The following SMPD3 variants were observed in gnomAD, a reference collection of about 807,000 sequenced individuals.
The protein encoded by SMPD3 is nSMase-2.
SMPD3 carries 21 observed loss-of-function variants against 55.7 expected under a neutral mutation model. That is an observed-to-expected ratio of 0.38 (90% CI 0.27 to 0.54). SMPD3 has a LOEUF of 0.54. Ranked by LOEUF, SMPD3 falls within the 20% of genes least tolerant of loss-of-function variation. SMPD3 has a pLI of 0.80. For synonymous variants in SMPD3, 457 were observed against 404.3 expected, an observed-to-expected ratio of 1.13 and a Z score of -1.56; for missense variants, 842 against 899.6, an observed-to-expected ratio of 0.94 and a Z score of 0.82.
chr16:68,361,743 C>T lies in SMPD3; in HGVS notation c.1726G>A (p.Glu576Lys). Residue 576 changes from glutamate (E) to lysine (K), a missense_variant, in exon 8 of 9, where the codon GAG becomes AAG. Glu to Lys is a moderately conservative substitution (Grantham distance 56, BLOSUM62 1). Coordinates refer to ENST00000219334, the MANE Select transcript of SMPD3 (RefSeq NM_018667.4). ...DNLQKVLESE[E>K]GRREYLAFPT... ...AACGCCAGGTACTCCCTGCGGCCCTCCTCACTCTCCAGGACCCTGTCCACA... is the reference window on the plus strand; with the variant it reads ...AACGCCAGGTACTCCCTGCGGCCCTTCTCACTCTCCAGGACCCTGTCCACA... 1 of 1,612,672 alleles carries T rather than the reference C, an allele frequency of 6.2e-7. No individual in the cohort carries two copies. The highest frequency in any genetic ancestry group is 8.5e-7 in the Non-Finnish European group (1 of 1,179,938).
At chr16:68,390,813 G>C (rs1391675639) in intron 1 of SMPD3, among the ~76,000 whole-genome samples, 1 of 152,202 alleles carries the variant, frequency 6.6e-6, no homozygotes, top group Non-Finnish European at 1.5e-5. Flanking sequence ...GCCATGGTTG[G>C]ACAGGCATGG....
intron 1 of SMPD3, among the ~76,000 whole-genome samples, chr16:68,433,314 TCCA>T (rs1453362350): frequency 1.3e-5 from 2 of 152,194 alleles, no homozygotes; most frequent in Non-Finnish European, 2.9e-5. Context: ...TCACACTCAA[TCCA>T]TTTGCCCGAC....
intron 1 of SMPD3, among the ~76,000 whole-genome samples, chr16:68,406,288 T>A (rs1284538243): frequency 6.6e-6 from 1 of 152,250 alleles, no homozygotes; most frequent in Non-Finnish European, 1.5e-5. Context: ...CATTTAGTTA[T>A]CACTTAGTAC....
At position 68,360,172 on chromosome 16, in the gene SMPD3, G is replaced by A. The variant is rs1467017337; in HGVS notation, c.*1034C>T. ...GTTCCTGAGCTCAGCCGGCACGCAG[G>A]TGGGGCACGTCCCCAGGGAGGGATT... On this transcript the variant is annotated 3_prime_UTR_variant, in exon 9 of 9. Coordinates refer to ENST00000219334, the MANE Select transcript of SMPD3 (RefSeq NM_018667.4). The A allele has an allele frequency of 6.6e-6, 1 of 152,654 alleles. No homozygotes were observed. Among genetic ancestry groups the A allele is most frequent in the Non-Finnish European group, 1.5e-5 (1 of 68,116 alleles). The allele number at this position is 152,654 out of a possible 1,614,324, so 9.5% of individuals were successfully genotyped here. A position where few individuals can be genotyped will look rare whatever the true frequency, so the allele number is the denominator to read the frequency against.
At position 68,359,894 on chromosome 16, in the gene SMPD3, G is replaced by C. The variant is rs1382487949; in HGVS notation, c.*1312C>G. On this transcript the variant is annotated 3_prime_UTR_variant, in exon 9 of 9. Coordinates refer to ENST00000219334, the MANE Select transcript of SMPD3 (RefSeq NM_018667.4). ...GGCATCTTGGGGCTGGAGGCAGATC[G>C]GGGACCACAAGCTGTTGGCCAGCTC... 1 of 103,430 alleles carries C rather than the reference G, an allele frequency of 9.7e-6. No individual in the cohort carries two copies. The highest frequency in any genetic ancestry group is 3.7e-5 in the African/African-American group (1 of 26,860). The allele number at this position is 103,430 out of a possible 1,614,324, so 6.4% of individuals were successfully genotyped here. A position where few individuals can be genotyped will look rare whatever the true frequency, so the allele number is the denominator to read the frequency against.
In SMPD3 at chr16:68,372,326, C is replaced by T. The variant is rs962471892; in HGVS notation, c.-145G>A. On this transcript the variant is annotated 5_prime_UTR_variant, in exon 3 of 9. Transcript: ENST00000219334. The stretch of plus-strand genomic sequence containing the variant: ...AGATGCAACTCCGGCTGGTCAATGG[C>T]GAATGTTGGCCAGCCGGTCATGGTT... The T allele has an allele frequency of 3.5e-5, 37 of 1,070,490 alleles. No individual in the cohort carries two copies. Among genetic ancestry groups the T allele is most frequent in the Middle Eastern group, 3.0e-4 (1 of 3,290 alleles). The allele number at this position is 1,070,490 out of a possible 1,614,324, so 66.3% of individuals were successfully genotyped here. A position where few individuals can be genotyped will look rare whatever the true frequency, so the allele number is the denominator to read the frequency against.
chr16:68,384,730 A>G (rs1362260528), intron 2 of SMPD3, among the ~76,000 whole-genome samples: 1 of 152,146 alleles, frequency 6.6e-6, no homozygotes, highest in East Asian at 1.9e-4. Context: ...GATGAAGAGA[A>G]CAAAGCTTGT....
chr16:68,418,669 G>A (rs943084608), intron 1 of SMPD3, among the ~76,000 whole-genome samples: 2 of 152,182 alleles, frequency 1.3e-5, no homozygotes, highest in Non-Finnish European at 2.9e-5. Context: ...TATACCACAC[G>A]TTACCTTGCA....
Position 68,361,257 on chromosome 16 carries a change from G to A in SMPD3, c.1917C>T (p.His639=). ...CCATCAGTCGCATGGCTACTGGCAG[G>A]TGGTCCGTCAGGCCGGACAGCTGGG... ...FITQLSGLTD[H]LPVAMRLMVS... The change falls in exon 9 of 9, where the codon CAC becomes CAT. Residue 639 remains histidine, a synonymous_variant. Coordinates refer to ENST00000219334, the MANE Select transcript of SMPD3 (RefSeq NM_018667.4). The A allele has an allele frequency of 6.2e-7, 1 of 1,613,418 alleles. No homozygotes were observed. The highest frequency in any genetic ancestry group is 8.5e-7 in the Non-Finnish European group (1 of 1,179,822).
intron 1 of SMPD3, among the ~76,000 whole-genome samples, chr16:68,415,837 T>C (rs377280650): frequency 1.3e-5 from 2 of 150,982 alleles, no homozygotes; most frequent in African/African-American, 4.9e-5. Context: ...ACAAGAGACT[T>C]GTCCTAGACC....
At chr16:68,375,391 G>A (rs1200324557) in intron 2 of SMPD3, among the ~76,000 whole-genome samples, 1 of 147,708 alleles carries the variant, frequency 6.8e-6, no homozygotes, top group Non-Finnish European at 1.5e-5. Context: ...GGATTCGGGA[G>A]GAGAAGGTCT....
intron 2 of SMPD3, among the ~76,000 whole-genome samples, chr16:68,373,062 G>A (rs2089716200): frequency 6.6e-6 from 1 of 152,244 alleles, no homozygotes; most frequent in Non-Finnish European, 1.5e-5. Flanking sequence ...CCCCAGCAAT[G>A]AGGATCCAAG....
intron 1 of SMPD3, among the ~76,000 whole-genome samples, chr16:68,398,294 T>C (rs1423160494): frequency 6.6e-6 from 1 of 152,250 alleles, no homozygotes; most frequent in East Asian, 1.9e-4. Flanking sequence ...GCGCTGTTTT[T>C]ATGTAGTTCT....
rs1263544851 is a variant in SMPD3 at position 68,447,502 on chromosome 16, TG to T, written c.-269+850del. 1.3e-5 allele frequency among the ~76,000 whole-genome samples: 2 copies of T among 151,826 alleles called. No homozygotes were observed. The highest frequency in any genetic ancestry group is 2.9e-5 in the Non-Finnish European group (2 of 67,928). On this transcript the variant is annotated intron_variant, in intron 1 of 8. Coordinates refer to ENST00000219334, the MANE Select transcript of SMPD3 (RefSeq NM_018667.4). The surrounding 1 kb of genome is among the most constrained non-coding windows in gnomAD (Gnocchi z 5.1). ...GAGGGCCTGGGAGATAAGGCCCAGG[TG>T]GGGAGAGGTGGGGAGGGGTCCCTCC...
At chr16:68,419,318 A>C (rs561852466) in intron 1 of SMPD3, among the ~76,000 whole-genome samples, 9 of 152,218 alleles carry the variant, frequency 5.9e-5, no homozygotes, top group African/African-American at 2.2e-4. Context: ...TGGAACATGC[A>C]TTGAGCACAT....
intron 1 of SMPD3, among the ~76,000 whole-genome samples, chr16:68,415,504 C>T (rs1027771615): frequency 2.0e-5 from 3 of 152,138 alleles, no homozygotes; most frequent in Non-Finnish European, 4.4e-5. Context: ...AGCAGGCTTC[C>T]CAGGCATTTT....
intron 1 of SMPD3, among the ~76,000 whole-genome samples, chr16:68,428,572 C>T (rs1462164880): frequency 6.6e-6 from 1 of 152,090 alleles, no homozygotes; most frequent in African/African-American, 2.4e-5. Flanking sequence ...GACTTCAAAA[C>T]GTAAGAGGTA....
In SMPD3 at chr16:68,447,257, C is replaced by T. The variant is rs867370632; in HGVS notation, c.-269+1096G>A. Among the ~76,000 whole-genome samples the T allele has an allele frequency of 2.6e-5, 4 of 152,224 alleles. No homozygotes were observed. The highest frequency in any genetic ancestry group is 5.9e-5 in the Non-Finnish European group (4 of 68,036). ...GAGCCTCGGTTTGGGGTGCGCCCTG[C>T]ATCGGAGCGGAGCAGCCCCCAAAGA... On this transcript the variant is annotated intron_variant, in intron 1 of 8. Coordinates refer to ENST00000219334, the MANE Select transcript of SMPD3 (RefSeq NM_018667.4). The surrounding 1 kb of genome is among the most constrained non-coding windows in gnomAD (Gnocchi z 5.1).
intron 1 of SMPD3, among the ~76,000 whole-genome samples, chr16:68,441,173 C>A (rs2090563435): frequency 6.6e-6 from 1 of 152,168 alleles, no homozygotes. Context: ...TCACTCTGGA[C>A]CTGTCAGTCA....
Sources: allele counts gnomAD v4.1 joint callset (sites outside exome capture counted in the v4.1 genomes callset), GRCh38; gene constraint gnomAD v4.1.1; non-coding constraint Gnocchi (gnomAD v3.1); transcripts MANE v1.5; gene names NCBI Gene and HGNC (gene_info 2026-07-23, HGNC 2026-07-21).